Variants in PRKCE observed in about 807,000 individuals in gnomAD.
PRKCE encodes protein kinase C epsilon type.
A neutral mutation model predicts 85.4 loss-of-function variants in PRKCE; 16 were observed. The observed-to-expected ratio is 0.19, with a 90% CI of 0.13 to 0.28. The LOEUF is 0.28. Ranked by LOEUF, PRKCE falls within the 10% of genes least tolerant of loss-of-function variation. The pLI, the probability that PRKCE is intolerant of heterozygous loss-of-function variation, is 1.00. For missense variants in PRKCE, 573 were observed against 975.2 expected (o/e 0.59, Z 5.49); for synonymous variants, 388 against 371.5 (o/e 1.04, Z -0.51).
chr2:46,118,318 A>T (rs1226341634), intron 11 of PRKCE, among the ~76,000 whole-genome samples: 1 of 152,212 alleles, frequency 6.6e-6, no homozygotes, highest in Non-Finnish European at 1.5e-5. Context: ...GACACGGTGG[A>T]GAAAGAAACT....
chr2:45,687,378 A>G (rs1677379593), intron 1 of PRKCE, among the ~76,000 whole-genome samples: 2 of 152,246 alleles, frequency 1.3e-5, no homozygotes, highest in South Asian at 4.1e-4. Context: ...CCAACTTACA[A>G]TAGGTTACCA....
At chr2:46,077,082 A>G (rs1668622983) in intron 10 of PRKCE, among the ~76,000 whole-genome samples, 2 of 152,212 alleles carry the variant, frequency 1.3e-5, no homozygotes, top group Non-Finnish European at 2.9e-5. Context: ...TGGGCAGCAT[A>G]GTGCCAATTT....
chr2:46,074,035 A>G (rs565770877), intron 10 of PRKCE: 2 of 152,216 alleles, frequency 1.3e-5, no homozygotes, highest in Admixed American at 6.5e-5. Flanking sequence ...CTCTTTGTGT[A>G]GTGTGAGCAA....
intron 2 of PRKCE, among the ~76,000 whole-genome samples, chr2:45,954,209 C>G (rs151029775): frequency 6.6e-6 from 1 of 152,306 alleles, no homozygotes; most frequent in Admixed American, 6.5e-5. Context: ...AAATTGTTCA[C>G]AAACGTGTGC....
intron 6 of PRKCE, among the ~76,000 whole-genome samples, chr2:45,989,996 G>C (rs1703660826): frequency 6.6e-6 from 1 of 152,166 alleles, no homozygotes; most frequent in South Asian, 2.1e-4. Context: ...TTGCTGCACG[G>C]ATACTCACAC....
chr2:45,909,796 C>T (rs1275271047), intron 2 of PRKCE, among the ~76,000 whole-genome samples: 1 of 152,324 alleles, frequency 6.6e-6, no homozygotes, highest in East Asian at 1.9e-4. Flanking sequence ...GTCACCATAC[C>T]TGTCTCTTTC....
At chr2:45,820,425 T>G in intron 1 of PRKCE, among the ~76,000 whole-genome samples, 1 of 147,908 alleles carries the variant, frequency 6.8e-6, no homozygotes, top group Non-Finnish European at 1.5e-5. Flanking sequence ...AGAGGGGGAG[T>G]TTGGGAGGAA....
intron 11 of PRKCE, among the ~76,000 whole-genome samples, chr2:46,109,793 A>C (rs1227726511): frequency 2.0e-5 from 3 of 152,148 alleles, no homozygotes; most frequent in Non-Finnish European, 4.4e-5. Flanking sequence ...TTAGTGGGAA[A>C]GCATCCAGCT....
chr2:45,739,264 G>A (rs1313569812), intron 1 of PRKCE, among the ~76,000 whole-genome samples: 1 of 152,234 alleles, frequency 6.6e-6, no homozygotes, highest in Admixed American at 6.5e-5. Flanking sequence ...GACATCATTG[G>A]ACAGAGGAGA....
chr2:46,160,281 C>G (rs10188378), intron 14 of PRKCE, among the ~76,000 whole-genome samples: 2,565 of 152,268 alleles, frequency 0.017, 75 homozygotes, highest in African/African-American at 0.059. Flanking sequence ...GATACCCTCT[C>G]CCTTCTCTGC....
chr2:46,175,844 G>T (rs998696515), intron 14 of PRKCE, among the ~76,000 whole-genome samples: 6 of 151,658 alleles, frequency 4.0e-5, no homozygotes, highest in Non-Finnish European at 7.4e-5. Context: ...TATGGTCTTA[G>T]GCTCCTGAAA....
intron 14 of PRKCE, among the ~76,000 whole-genome samples, chr2:46,181,340 A>G (rs1292585090): frequency 6.6e-6 from 1 of 152,100 alleles, no homozygotes; most frequent in Non-Finnish European, 1.5e-5. Context: ...GAAATGGGTA[A>G]CTCACATGCA....
intron 1 of PRKCE, among the ~76,000 whole-genome samples, chr2:45,803,123 T>G (rs1450005021): frequency 2.0e-5 from 3 of 152,170 alleles, no homozygotes; most frequent in Non-Finnish European, 4.4e-5. Flanking sequence ...AATTCAAAAT[T>G]TAACATGTCT....
chr2:46,176,206 C>A (rs1313048251), intron 14 of PRKCE, among the ~76,000 whole-genome samples: 4 of 152,132 alleles, frequency 2.6e-5, no homozygotes, highest in African/African-American at 9.7e-5. Flanking sequence ...CCAAGAGAGG[C>A]AAATTACATT....
intron 1 of PRKCE, among the ~76,000 whole-genome samples, chr2:45,830,391 C>T (rs1040462638): frequency 4.6e-5 from 7 of 152,032 alleles, no homozygotes; most frequent in Non-Finnish European, 8.8e-5. Flanking sequence ...TTTCTGGAAA[C>T]TCAAGATATT....
chr2:46,106,361 A>G (rs1671716839), intron 11 of PRKCE, among the ~76,000 whole-genome samples: 1 of 152,170 alleles, frequency 6.6e-6, no homozygotes, highest in South Asian at 2.1e-4. Context: ...CCACCCATTT[A>G]CTTAAGTGTT....
intron 6 of PRKCE, among the ~76,000 whole-genome samples, chr2:45,998,775 G>A (rs1704427120): frequency 6.6e-6 from 1 of 151,972 alleles, no homozygotes; most frequent in African/African-American, 2.4e-5. Flanking sequence ...TGCCTTTTGT[G>A]GTTTTAATTG....
chr2:45,992,359 G>A (rs931264019), intron 6 of PRKCE, among the ~76,000 whole-genome samples: 5 of 152,140 alleles, frequency 3.3e-5, no homozygotes, highest in African/African-American at 7.2e-5. Flanking sequence ...TCTGAGTCAC[G>A]GTTCTGGTGT....
At chr2:45,783,823 G>C (rs375120349) in intron 1 of PRKCE, among the ~76,000 whole-genome samples, 2 of 152,160 alleles carry the variant, frequency 1.3e-5, no homozygotes, top group Non-Finnish European at 2.9e-5. Context: ...GCCCTACTCC[G>C]GACTTGTTGA....
Sources: allele counts gnomAD v4.1 joint callset (sites outside exome capture counted in the v4.1 genomes callset), GRCh38; gene constraint gnomAD v4.1.1; transcripts MANE v1.5; gene names NCBI Gene and HGNC (gene_info 2026-07-23, HGNC 2026-07-21).